Variants in EIF4G3 observed in about 807,000 individuals in gnomAD.
The protein encoded by EIF4G3 is eIF-4-gamma 3.
Under a neutral mutation model 186.4 loss-of-function variants are expected in EIF4G3, and 34 were observed. That is an observed-to-expected ratio of 0.18 (90% CI 0.14 to 0.24). EIF4G3 has a LOEUF of 0.24. Among genes scored for constraint, EIF4G3 ranks in the 10% least tolerant of loss-of-function variants. The pLI, the probability that EIF4G3 is intolerant of heterozygous loss-of-function variation, is 1.00. For synonymous variants in EIF4G3, 673 were observed against 679.5 expected (o/e 0.99, Z 0.15); for missense variants, 1,536 against 1,948.5 (o/e 0.79, Z 3.99).
In EIF4G3 at chr1:21,148,583, T is replaced by C. The variant is rs537995821; in HGVS notation, c.-272+27592A>G. Among the ~76,000 whole-genome samples, 42 of 151,458 alleles carry C rather than the reference T, an allele frequency of 2.8e-4. 2 individuals are homozygous for C. The South Asian group carries it at 8.1e-3, about 29-fold the overall frequency. ...TGGCTGTGGTGGCAGGTGCCTGTAGTCCCAGCTACTCGAGAGGCTAAGGCA... is the reference window on the plus strand; with the variant it reads ...TGGCTGTGGTGGCAGGTGCCTGTAGCCCCAGCTACTCGAGAGGCTAAGGCA... On this transcript the variant is annotated intron_variant, in intron 2 of 36. Transcript: ENST00000602326.
chr1:21,099,728 C>T (rs11801430), intron 2 of EIF4G3, among the ~76,000 whole-genome samples: 2 of 152,190 alleles, frequency 1.3e-5, no homozygotes, highest in African/African-American at 4.8e-5. Context: ...TGGAAGTTTT[C>T]TGTGTCTTCT....
rs1411587463 is a variant in EIF4G3 at position 20,950,058 on chromosome 1, C to T, written c.768G>A (p.Glu256=). 1.2e-6 allele frequency: 2 copies of T among 1,613,030 alleles called. No individual in the cohort carries two copies. The highest frequency in any genetic ancestry group is 3.3e-5 in the Admixed American group (2 of 59,806). The change falls in exon 13 of 37, where the codon GAG becomes GAA. Residue 256 remains glutamate (E), a synonymous_variant. Coordinates refer to ENST00000602326, the MANE Select transcript of EIF4G3 (RefSeq NM_001391906.1). ...GGGTGCTGGCAGCAAGATGAGCGCT[C>T]TCCACAGTCCCATAAACCACAGGGC... The part of the protein sequence containing the change: ...EHSPVVYGTV[E]SAHLAASTPV...
At chr1:21,025,263 T>A (rs1204178888) in intron 4 of EIF4G3, among the ~76,000 whole-genome samples, 1 of 152,154 alleles carries the variant, frequency 6.6e-6, no homozygotes, top group African/African-American at 2.4e-5. Context: ...GACTTCGCCA[T>A]GAAGGTAATC....
At chr1:20,925,596 CCAT>C (rs1291733310) in intron 14 of EIF4G3, among the ~76,000 whole-genome samples, 3 of 152,140 alleles carry the variant, frequency 2.0e-5, no homozygotes, top group Admixed American at 6.5e-5. Context: ...TGTGGTGACA[CCAT>C]CATACCTCAC....
At chr1:21,172,148 G>A (rs911497159) in intron 2 of EIF4G3, among the ~76,000 whole-genome samples, 2 of 147,018 alleles carry the variant, frequency 1.4e-5, no homozygotes, top group Admixed American at 6.8e-5. Flanking sequence ...AGCCTGAAAC[G>A]TGACTGAAAT....
At chr1:21,052,248 A>G (rs2094262368) in intron 3 of EIF4G3, among the ~76,000 whole-genome samples, 1 of 152,168 alleles carries the variant, frequency 6.6e-6, no homozygotes. Flanking sequence ...AGTGTCTACC[A>G]ATCAATCCTA....
intron 3 of EIF4G3, among the ~76,000 whole-genome samples, chr1:21,064,309 T>C (rs945851948): frequency 9.9e-5 from 15 of 152,184 alleles, no homozygotes; most frequent in Admixed American, 7.2e-4. Flanking sequence ...GTTTGCGCCC[T>C]TGCAATCCTT....
chr1:20,953,516 C>A (rs751218913), intron 12 of EIF4G3, among the ~76,000 whole-genome samples: 18 of 152,146 alleles, frequency 1.2e-4, no homozygotes, highest in Non-Finnish European at 2.5e-4. Context: ...TGGAGGAATT[C>A]ATTTTTTAAA....
intron 2 of EIF4G3, among the ~76,000 whole-genome samples, chr1:21,116,527 C>G (rs967277480): frequency 2.6e-5 from 4 of 151,988 alleles, no homozygotes; most frequent in Admixed American, 1.3e-4. Context: ...CAAAATCCTC[C>G]AAAATCTCGT....
In EIF4G3 at chr1:20,945,142, A is replaced by T. The variant is rs78398620; in HGVS notation, c.824-2812T>A. On this transcript the variant is annotated intron_variant, in intron 13 of 36. Coordinates refer to ENST00000602326, the MANE Select transcript of EIF4G3 (RefSeq NM_001391906.1). ...GCTAAAAACACAGTAGAGCTAAATT[A>T]AAAAAAAAAACACTTATTTTATCCC... 2.9e-4 allele frequency among the ~76,000 whole-genome samples: 40 copies of T among 138,774 alleles called. No homozygotes were observed. In the Middle Eastern group the frequency reaches 0.026, roughly 91 times the overall value. 91.0% of individuals were successfully genotyped at this position (138,774 alleles called of 152,430 possible). A position where few individuals can be genotyped will look rare whatever the true frequency, so the allele number is the denominator to read the frequency against.
At chr1:20,818,873 A>G (rs1269252268) in intron 33 of EIF4G3, among the ~76,000 whole-genome samples, 1 of 152,116 alleles carries the variant, frequency 6.6e-6, no homozygotes, top group Non-Finnish European at 1.5e-5. Context: ...GAGTTCTGTC[A>G]TCTGATTGTT....
chr1:21,146,179 C>G (rs2097437430), intron 2 of EIF4G3, among the ~76,000 whole-genome samples: 1 of 152,048 alleles, frequency 6.6e-6, no homozygotes, highest in African/African-American at 2.4e-5. Flanking sequence ...CATAGTGAGA[C>G]CCAGTCTCTA....
intron 2 of EIF4G3, among the ~76,000 whole-genome samples, chr1:21,101,519 G>T (rs1247739323): frequency 8.0e-6 from 1 of 125,688 alleles, no homozygotes; most frequent in South Asian, 2.8e-4. Flanking sequence ...GCAGTGAGCC[G>T]AGATTGCACC....
At chr1:20,911,693 C>G (rs1164322994) in intron 14 of EIF4G3, among the ~76,000 whole-genome samples, 1 of 149,614 alleles carries the variant, frequency 6.7e-6, no homozygotes, top group Non-Finnish European at 1.5e-5. Flanking sequence ...TTTAGATAAA[C>G]TTAATATTGC....
chr1:20,957,753 C>T (rs1251253480), intron 12 of EIF4G3, among the ~76,000 whole-genome samples: 3 of 152,086 alleles, frequency 2.0e-5, no homozygotes, highest in East Asian at 1.9e-4. Context: ...AAACATCACT[C>T]GAGACTACTA....
chr1:20,939,473 C>G (rs1357054628), intron 14 of EIF4G3, among the ~76,000 whole-genome samples: 1 of 152,152 alleles, frequency 6.6e-6, no homozygotes, highest in Non-Finnish European at 1.5e-5. Flanking sequence ...AACCAAAATT[C>G]TGTTTGCCCA....
chr1:21,173,830 T>G (rs1276578709), intron 2 of EIF4G3, among the ~76,000 whole-genome samples: 2 of 152,304 alleles, frequency 1.3e-5, no homozygotes, highest in East Asian at 3.9e-4. Context: ...TGCTTAAATG[T>G]TATCCACTTA....
chr1:20,909,678 C>A (rs1412579481), intron 14 of EIF4G3, among the ~76,000 whole-genome samples: 1 of 151,396 alleles, frequency 6.6e-6, no homozygotes, highest in Non-Finnish European at 1.5e-5. Context: ...TTTTCCCCCA[C>A]AAAACTTCAA....
chr1:21,083,099 G>A (rs2095847286), intron 3 of EIF4G3, among the ~76,000 whole-genome samples: 1 of 147,880 alleles, frequency 6.8e-6, no homozygotes, highest in African/African-American at 2.5e-5. Flanking sequence ...TGGGCACGGT[G>A]GCTTGTGCCT....
Sources: gnomAD v4.1 joint callset for allele counts (sites outside exome capture counted in the v4.1 genomes callset) on GRCh38, gnomAD v4.1.1 for gene constraint, MANE v1.5 for transcripts, NCBI Gene and HGNC (gene_info 2026-07-23, HGNC 2026-07-21) for gene names.